Variants in PTGIS observed in about 807,000 individuals in gnomAD.
The protein encoded by PTGIS is prostaglandin I2 synthase, also known as prostacyclin synthase.
A neutral mutation model predicts 50.3 loss-of-function variants in PTGIS; 45 were observed. The observed-to-expected ratio is 0.90, with a 90% CI of 0.70 to 1.15. The LOEUF is 1.15. PTGIS is among the 50% of genes most tolerant of loss of function. The pLI is 0.00. For missense variants in PTGIS, 668 were observed against 661.3 expected, an observed-to-expected ratio of 1.01 and a Z score of -0.11; for synonymous variants, 260 against 267.7, an observed-to-expected ratio of 0.97 and a Z score of 0.28.
At chr20:49,538,291 T>C (rs1156590348) in intron 5 of PTGIS, among the ~76,000 whole-genome samples, 2 of 117,608 alleles carry the variant, frequency 1.7e-5, no homozygotes, top group Non-Finnish European at 3.4e-5. Flanking sequence ...AAAAAAGGCA[T>C]GCTGGCTCAC....
intron 6 of PTGIS, among the ~76,000 whole-genome samples, chr20:49,518,885 G>T (rs1001818448): frequency 1.3e-5 from 2 of 152,176 alleles, no homozygotes; most frequent in African/African-American, 4.8e-5. Context: ...AGGCCCAGCA[G>T]CTCCCGTGGC....
intron 5 of PTGIS, among the ~76,000 whole-genome samples, chr20:49,524,882 G>A (rs1981756400): frequency 6.6e-6 from 1 of 152,212 alleles, no homozygotes; most frequent in Non-Finnish European, 1.5e-5. Context: ...AATTATGGGA[G>A]CTACAGTTCA....
rs564213623 is a variant in PTGIS at position 49,559,019 on chromosome 20, C to G, written c.75-8830G>C. On this transcript the variant is annotated intron_variant, in intron 1 of 9. Coordinates refer to ENST00000244043, the MANE Select transcript of PTGIS (RefSeq NM_000961.4). ...TGAACCACCATGCTGGGCCAGGAAG[C>G]TAGGCATTCTTAAGCGCAGGATGTT... Among the ~76,000 whole-genome samples the G allele has an allele frequency of 5.3e-5, 8 of 152,122 alleles. No individual in the cohort carries two copies. In the East Asian group the frequency reaches 1.5e-3, roughly 29 times the overall value.
chr20:49,539,533 C>A (rs766106191), intron 5 of PTGIS, 37 bp downstream of exon 5: 3 of 1,604,878 alleles, frequency 1.9e-6, no homozygotes, highest in Non-Finnish European at 2.6e-6. Context: ...GTCTTTCCAT[C>A]CTCCCCCCCA....
chr20:49,535,940 A>C (rs1982057629), intron 5 of PTGIS, among the ~76,000 whole-genome samples: 1 of 152,242 alleles, frequency 6.6e-6, no homozygotes, highest in African/African-American at 2.4e-5. Context: ...TCATCTGCAA[A>C]TAGGAATAGT....
chr20:49,567,740 C>T (rs994228533), intron 1 of PTGIS, among the ~76,000 whole-genome samples: 11 of 152,214 alleles, frequency 7.2e-5, no homozygotes, highest in Non-Finnish European at 1.6e-4. Flanking sequence ...GAAACCCCCT[C>T]CTAGGTCCCT....
At chr20:49,550,279 G>C in intron 1 of PTGIS, 90 bp from the exon 2 acceptor site, 1 of 1,532,078 alleles carries the variant, frequency 6.5e-7, no homozygotes, top group Middle Eastern at 2.3e-4. Flanking sequence ...GAATGGAGCA[G>C]TCGGGGAGGT....
intron 1 of PTGIS, among the ~76,000 whole-genome samples, chr20:49,553,626 A>C (rs1259341714): frequency 6.6e-6 from 1 of 151,916 alleles, no homozygotes; most frequent in Non-Finnish European, 1.5e-5. Flanking sequence ...TTACAGAAAA[A>C]CATTTTTCTT....
At chr20:49,527,048 T>C (rs761817078) in intron 5 of PTGIS, among the ~76,000 whole-genome samples, 7 of 152,182 alleles carry the variant, frequency 4.6e-5, no homozygotes, top group Non-Finnish European at 1.0e-4. Flanking sequence ...TTATTCACAG[T>C]AGCCAAAAGG....
intron 1 of PTGIS, among the ~76,000 whole-genome samples, chr20:49,553,514 C>T (rs1420969781): frequency 6.6e-6 from 1 of 151,842 alleles, no homozygotes; most frequent in Non-Finnish European, 1.5e-5. Context: ...GAAATAAATG[C>T]TTATAAATAA....
At chr20:49,544,595 ATAT>A (rs1982313391) in intron 3 of PTGIS, 147 bp from the exon 4 acceptor site, 1 of 813,876 alleles carries the variant, frequency 1.2e-6, no homozygotes, top group South Asian at 1.6e-5. Context: ...AAATAAGAGG[ATAT>A]TATTATGACT....
At chr20:49,526,222 G>A (rs751525631) in intron 5 of PTGIS, among the ~76,000 whole-genome samples, 31 of 152,162 alleles carry the variant, frequency 2.0e-4, no homozygotes, top group African/African-American at 5.6e-4. Context: ...TGCAGGGCGC[G>A]GGCAGTGTTG....
chr20:49,550,341 G>A (rs1982474975), intron 1 of PTGIS, 152 bp from the exon 2 acceptor site: 2 of 1,025,502 alleles, frequency 2.0e-6, no homozygotes, highest in African/African-American at 1.6e-5. Flanking sequence ...CTTTTCTCTT[G>A]TAACATGTGG....
At chr20:49,565,582 C>T (rs1982877225) in intron 1 of PTGIS, among the ~76,000 whole-genome samples, 1 of 152,054 alleles carries the variant, frequency 6.6e-6, no homozygotes, top group African/African-American at 2.4e-5. Context: ...AGAGGATCAC[C>T]TGAGCCCAGG....
chr20:49,509,713 C>T (rs1981256565), intron 9 of PTGIS, among the ~76,000 whole-genome samples: 2 of 152,016 alleles, frequency 1.3e-5, no homozygotes, highest in African/African-American at 2.4e-5. Flanking sequence ...TATTACAGCA[C>T]TTACATAGTT....
intron 1 of PTGIS, among the ~76,000 whole-genome samples, chr20:49,554,206 G>A (rs570226170): frequency 2.6e-5 from 4 of 152,012 alleles, no homozygotes; most frequent in South Asian, 4.2e-4. Flanking sequence ...CAACATTTTC[G>A]TCAGCTCATA....
intron 5 of PTGIS, among the ~76,000 whole-genome samples, chr20:49,528,637 AT>A (rs1277675879): frequency 4.0e-3 from 603 of 151,870 alleles, no homozygotes; most frequent in African/African-American, 0.014. Context: ...AACAAAAAAA[AT>A]ATATATATAG....
chr20:49,519,969 C>A (rs1981605267), intron 6 of PTGIS, among the ~76,000 whole-genome samples: 1 of 145,152 alleles, frequency 6.9e-6, no homozygotes, highest in Non-Finnish European at 1.5e-5. Context: ...CTTCCCCACC[C>A]CCTACAGTCT....
At chr20:49,513,307 C>A in intron 7 of PTGIS, 46 bp from the exon 8 acceptor site, 1 of 1,587,834 alleles carries the variant, frequency 6.3e-7, no homozygotes, top group Non-Finnish European at 8.6e-7. Flanking sequence ...TATCCCTTCA[C>A]CTGCTCATAT....
Sources: gnomAD v4.1 joint callset for allele counts (sites outside exome capture counted in the v4.1 genomes callset) on GRCh38, gnomAD v4.1.1 for gene constraint, MANE v1.5 for transcripts, NCBI Gene and HGNC (gene_info 2026-07-23, HGNC 2026-07-21) for gene names.